The following DYRK1A variants were observed in gnomAD, a reference collection of about 807,000 sequenced individuals.
DYRK1A encodes the protein dual specificity tyrosine-phosphorylation-regulated kinase 1A.
In DYRK1A, 9 loss-of-function variants were observed where a neutral mutation model predicts 79.7. The observed-to-expected ratio is 0.11, with a 90% CI of 0.07 to 0.20. DYRK1A has a LOEUF of 0.20. Ranked by LOEUF, DYRK1A falls within the 10% of genes least tolerant of loss-of-function variation. DYRK1A has a pLI of 1.00. For missense variants in DYRK1A, 622 were observed against 956.0 expected, an observed-to-expected ratio of 0.65 and a Z score of 4.61; for synonymous variants, 349 against 329.7, an observed-to-expected ratio of 1.06 and a Z score of -0.63.
chr21:37,460,410 A>G (rs1389296422), intron 2 of DYRK1A, among the ~76,000 whole-genome samples: 3 of 152,186 alleles, frequency 2.0e-5, no homozygotes, highest in South Asian at 2.1e-4. Flanking sequence ...CGGCGTTCAC[A>G]TCTCAGAAAT....
At chr21:37,384,140 C>G (rs566994795) in intron 1 of DYRK1A, among the ~76,000 whole-genome samples, 2 of 152,174 alleles carry the variant, frequency 1.3e-5, no homozygotes, top group South Asian at 2.1e-4. Context: ...CACGTGGCCC[C>G]ACTAAGTTGA....
At chr21:37,400,782 A>G (rs561191002) in intron 1 of DYRK1A, among the ~76,000 whole-genome samples, 66 of 152,360 alleles carry the variant, frequency 4.3e-4, no homozygotes, top group African/African-American at 1.5e-3. Flanking sequence ...GAGAAAGTGC[A>G]GATTGCAGAA....
At chr21:37,482,510 A>T (rs1011350702) in intron 5 of DYRK1A, among the ~76,000 whole-genome samples, 4 of 152,190 alleles carry the variant, frequency 2.6e-5, no homozygotes, top group Non-Finnish European at 4.4e-5. Context: ...TCACAAGGTA[A>T]TATAATATCA....
At chr21:37,376,587 G>C (rs1345743063) in intron 1 of DYRK1A, among the ~76,000 whole-genome samples, 1 of 152,140 alleles carries the variant, frequency 6.6e-6, no homozygotes, top group Non-Finnish European at 1.5e-5. Flanking sequence ...CCAGAGGTTG[G>C]TAGTGTTAGC....
At chr21:37,487,073 G>T (rs969542544) in intron 6 of DYRK1A, 1 of 152,294 alleles carries the variant, frequency 6.6e-6, no homozygotes, top group Non-Finnish European at 1.5e-5. Context: ...AGCATTAGAA[G>T]CTATTAGATT....
In DYRK1A at chr21:37,519,561, CAA is replaced by C. The variant is rs1339950932; in HGVS notation, c.*7031_*7032del. ...TCTTTTTCTACGTAAATACAGCAAACAATGCAGGGAAATGAGGTGGACAGTGT... is the reference window on the plus strand; with the variant it reads ...TCTTTTTCTACGTAAATACAGCAAACTGCAGGGAAATGAGGTGGACAGTGT... On this transcript the variant is annotated 3_prime_UTR_variant, in exon 12 of 12. Transcript: ENST00000647188. 3 of 152,104 alleles carry C rather than the reference CAA, an allele frequency of 2.0e-5. No individual in the cohort carries two copies. The highest frequency in any genetic ancestry group is 7.2e-5 in the African/African-American group (3 of 41,402). 9.4% of individuals were successfully genotyped at this position (152,104 alleles called of 1,614,324 possible).
chr21:37,497,095 T>G (rs957428966), intron 9 of DYRK1A, among the ~76,000 whole-genome samples: 1 of 151,792 alleles, frequency 6.6e-6, no homozygotes. Flanking sequence ...GTTTTGCATT[T>G]TATAACATTT....
intron 1 of DYRK1A, among the ~76,000 whole-genome samples, chr21:37,397,528 C>A (rs1459371479): frequency 6.6e-6 from 1 of 152,136 alleles, no homozygotes; most frequent in Non-Finnish European, 1.5e-5. Context: ...CACATTTAGT[C>A]ACAAGGGACA....
chr21:37,464,514 A>C (rs1301082875), intron 2 of DYRK1A, among the ~76,000 whole-genome samples: 1 of 152,244 alleles, frequency 6.6e-6, no homozygotes, highest in Non-Finnish European at 1.5e-5. Flanking sequence ...ACTGTTTGAC[A>C]GCAGTTGAAA....
At chr21:37,378,410 T>C (rs1031685078) in intron 1 of DYRK1A, among the ~76,000 whole-genome samples, 1 of 152,140 alleles carries the variant, frequency 6.6e-6, no homozygotes, top group Non-Finnish European at 1.5e-5. Context: ...TACATGCCTG[T>C]AATCCCAGCT....
chr21:37,476,824 C>A (rs1480705456), intron 3 of DYRK1A, among the ~76,000 whole-genome samples: 1 of 145,836 alleles, frequency 6.9e-6, no homozygotes, highest in Non-Finnish European at 1.5e-5. Context: ...GGGTTCCCCC[C>A]CCCCCCAACC....
At chr21:37,479,547 C>A (rs2052524866) in intron 4 of DYRK1A, among the ~76,000 whole-genome samples, 1 of 112,580 alleles carries the variant, frequency 8.9e-6, no homozygotes, top group Non-Finnish European at 1.8e-5. Context: ...CCTAGTTCAT[C>A]TAGTATTTTT....
intron 2 of DYRK1A, among the ~76,000 whole-genome samples, chr21:37,432,924 C>T (rs988873885): frequency 1.1e-4 from 16 of 149,662 alleles, no homozygotes; most frequent in Admixed American, 2.7e-4. Flanking sequence ...TGCAGTGAGC[C>T]GAGATCGCGC....
chr21:37,429,526 A>G (rs1379747135), intron 2 of DYRK1A, among the ~76,000 whole-genome samples: 5 of 152,198 alleles, frequency 3.3e-5, no homozygotes, highest in Non-Finnish European at 7.3e-5. Context: ...AAAAGAGAGA[A>G]GTGGGAGTGC....
intron 2 of DYRK1A, chr21:37,428,740 T>C (rs1388942141): frequency 1.3e-5 from 2 of 152,148 alleles, no homozygotes; most frequent in African/African-American, 4.8e-5. Flanking sequence ...TGTAAGAAGA[T>C]TCTTTGATAG....
At chr21:37,492,945 T>C (rs918575804) in intron 7 of DYRK1A, 72 bp from the exon 8 acceptor site, 1 of 1,274,182 alleles carries the variant, frequency 7.8e-7, no homozygotes, top group Non-Finnish European at 1.1e-6. Flanking sequence ...TAATATCAGA[T>C]CAATGTTTTT....
At chr21:37,469,854 CTG>C (rs1601191189) in intron 2 of DYRK1A, among the ~76,000 whole-genome samples, 2 of 152,196 alleles carry the variant, frequency 1.3e-5, no homozygotes, top group African/African-American at 4.8e-5. Context: ...CAGATCCAAA[CTG>C]TATCACCTGC....
chr21:37,508,374 G>A (rs1328763436), intron 11 of DYRK1A, among the ~76,000 whole-genome samples: 2 of 152,108 alleles, frequency 1.3e-5, no homozygotes, highest in Non-Finnish European at 2.9e-5. Context: ...TGCAACTTCC[G>A]CCTCCCTGGT....
At chr21:37,380,233 A>G (rs945010704) in intron 1 of DYRK1A, among the ~76,000 whole-genome samples, 10 of 152,162 alleles carry the variant, frequency 6.6e-5, no homozygotes, top group South Asian at 2.1e-4. Flanking sequence ...TTTTCCCTCG[A>G]AAAAAACAAC....
Sources: gnomAD v4.1 joint callset for allele counts (sites outside exome capture counted in the v4.1 genomes callset) on GRCh38, gnomAD v4.1.1 for gene constraint, MANE v1.5 for transcripts, NCBI Gene and HGNC (gene_info 2026-07-23, HGNC 2026-07-21) for gene names.